Variants in KIF3B observed in about 807,000 individuals in gnomAD.
KIF3B encodes kinesin family member 3B.
In KIF3B, 38 loss-of-function variants were observed where a neutral mutation model predicts 74.3. The ratio of observed to expected loss-of-function variants is 0.51; its 90% CI spans 0.39 to 0.67. The LOEUF (loss-of-function observed/expected upper bound fraction) is 0.67, where lower values mean the gene tolerates loss of function less well. KIF3B is among the 30% of genes least tolerant of loss of function. KIF3B has a pLI of 0.00. For synonymous variants in KIF3B, 326 were observed against 342.5 expected, an observed-to-expected ratio of 0.95 and a Z score of 0.53; for missense variants, 649 against 932.0, an observed-to-expected ratio of 0.70 and a Z score of 3.95.
At chr20:32,291,718 C>G (rs2047692371) in intron 1 of KIF3B, among the ~76,000 whole-genome samples, 1 of 151,216 alleles carries the variant, frequency 6.6e-6, no homozygotes, top group Non-Finnish European at 1.5e-5. Flanking sequence ...CGGGTTCAAG[C>G]AATTCTCCTG....
At chr20:32,327,136 G>A (rs2047907631) in intron 6 of KIF3B, among the ~76,000 whole-genome samples, 1 of 152,138 alleles carries the variant, frequency 6.6e-6, no homozygotes, top group South Asian at 2.1e-4. Context: ...CAAAGTTCCT[G>A]CATTTCTGTT....
At position 32,309,133 on chromosome 20, in the gene KIF3B, C is replaced by T. The variant is rs374543965; in HGVS notation, c.-65-580C>T. On this transcript the variant is annotated intron_variant, in intron 1 of 8. Coordinates refer to ENST00000375712, the MANE Select transcript of KIF3B (RefSeq NM_004798.4). ...CTGGGCTCAAGCAGTCCTCCCATCTCAGCTTCCCGAGTAGCTAAGACTACA... is the reference window on the plus strand; with the variant it reads ...CTGGGCTCAAGCAGTCCTCCCATCTTAGCTTCCCGAGTAGCTAAGACTACA... Among the ~76,000 whole-genome samples the T allele has an allele frequency of 3.9e-5, 6 of 152,070 alleles. No homozygotes were observed. The East Asian group carries it at 9.6e-4, about 24-fold the overall frequency.
intron 1 of KIF3B, among the ~76,000 whole-genome samples, chr20:32,303,047 T>C (rs181074169): frequency 6.6e-6 from 1 of 152,248 alleles, no homozygotes; most frequent in East Asian, 1.9e-4. Context: ...GTATTTTATG[T>C]GTGGTGTGGC....
At chr20:32,317,192 G>A (rs145055605) in intron 5 of KIF3B, among the ~76,000 whole-genome samples, 4 of 152,176 alleles carry the variant, frequency 2.6e-5, no homozygotes, top group South Asian at 2.1e-4. Context: ...AGTTGATATC[G>A]TGCCACTGCA....
intron 2 of KIF3B, among the ~76,000 whole-genome samples, chr20:32,312,771 C>T (rs1314988511): frequency 4.6e-5 from 7 of 152,116 alleles, no homozygotes; most frequent in Admixed American, 1.3e-4. Flanking sequence ...AGAACATGGA[C>T]GTGCAAGATT....
At chr20:32,293,576 C>T (rs1398468235) in intron 1 of KIF3B, among the ~76,000 whole-genome samples, 1 of 152,040 alleles carries the variant, frequency 6.6e-6, no homozygotes, top group Admixed American at 6.6e-5. Context: ...TGCCACTGCA[C>T]TCCAGCCTGG....
intron 5 of KIF3B, among the ~76,000 whole-genome samples, chr20:32,322,040 A>T (rs531440343): frequency 6.6e-6 from 1 of 152,284 alleles, no homozygotes; most frequent in South Asian, 2.1e-4. Flanking sequence ...CAATTTCTGC[A>T]AACAAAGCCA....
intron 1 of KIF3B, among the ~76,000 whole-genome samples, chr20:32,305,426 CG>C (rs909727207): frequency 9.9e-5 from 15 of 151,916 alleles, no homozygotes; most frequent in Admixed American, 8.5e-4. Flanking sequence ...TCATATATAC[CG>C]GTAAAGTACT....
intron 1 of KIF3B, among the ~76,000 whole-genome samples, chr20:32,284,445 A>G (rs1197874358): frequency 3.3e-5 from 5 of 152,078 alleles, no homozygotes; most frequent in Non-Finnish European, 1.5e-5. Context: ...TTGCTGCTCA[A>G]AGTGTGTTCT....
At chr20:32,325,615 TC>T in intron 5 of KIF3B, among the ~76,000 whole-genome samples, 1 of 151,424 alleles carries the variant, frequency 6.6e-6, no homozygotes, top group Admixed American at 6.6e-5. Flanking sequence ...TATTTTTTTT[TC>T]TAAGGAGTCT....
chr20:32,296,158 C>T (rs994951400), intron 1 of KIF3B, among the ~76,000 whole-genome samples: 2 of 151,930 alleles, frequency 1.3e-5, no homozygotes, highest in African/African-American at 2.4e-5. Flanking sequence ...CCACCACACC[C>T]GGCCCATTTT....
chr20:32,315,188 T>G (rs1354012546), intron 2 of KIF3B, among the ~76,000 whole-genome samples: 1 of 152,204 alleles, frequency 6.6e-6, no homozygotes, highest in Non-Finnish European at 1.5e-5. Context: ...AAAACACACA[T>G]CTGATTGTGT....
At chr20:32,329,915 C>T (rs367578252) in intron 7 of KIF3B, among the ~76,000 whole-genome samples, 2 of 152,206 alleles carry the variant, frequency 1.3e-5, no homozygotes, top group South Asian at 2.1e-4. Context: ...TCTTTGGGTG[C>T]CATTCTTCCT....
intron 5 of KIF3B, among the ~76,000 whole-genome samples, chr20:32,325,907 A>G (rs1293774533): frequency 1.1e-4 from 16 of 151,730 alleles, no homozygotes; most frequent in African/African-American, 2.4e-4. Context: ...ACCTCAGGCA[A>G]TCCACTGGCT....
chr20:32,323,339 C>T (rs911320429), intron 5 of KIF3B, among the ~76,000 whole-genome samples: 2 of 150,724 alleles, frequency 1.3e-5, no homozygotes, highest in Admixed American at 6.7e-5. Flanking sequence ...CTACATGTTA[C>T]ATTTGGTTAT....
At chr20:32,320,938 A>G (rs915494756) in intron 5 of KIF3B, among the ~76,000 whole-genome samples, 2 of 152,034 alleles carry the variant, frequency 1.3e-5, no homozygotes, top group Non-Finnish European at 2.9e-5. Flanking sequence ...TTGTGGACGC[A>G]TGTTTCATTC....
At chr20:32,316,384 C>T (rs188782900) in intron 3 of KIF3B, 65 bp downstream of exon 3, 67 of 1,527,254 alleles carry the variant, frequency 4.4e-5, no homozygotes, top group African/African-American at 1.8e-4. Context: ...GCAGAGCAAA[C>T]GTCTCATATT....
chr20:32,303,432 G>A (rs1181947130), intron 1 of KIF3B, among the ~76,000 whole-genome samples: 1 of 151,952 alleles, frequency 6.6e-6, no homozygotes, highest in Non-Finnish European at 1.5e-5. Flanking sequence ...GGACCTGGTG[G>A]CGGGTGCTTG....
chr20:32,307,028 C>T (rs985489684), intron 1 of KIF3B, among the ~76,000 whole-genome samples: 1 of 152,152 alleles, frequency 6.6e-6, no homozygotes, highest in Admixed American at 6.6e-5. Flanking sequence ...TATATCCCCC[C>T]TTTTCTTATG....
Sources: gnomAD v4.1 joint callset for allele counts (sites outside exome capture counted in the v4.1 genomes callset) on GRCh38, gnomAD v4.1.1 for gene constraint, MANE v1.5 for transcripts, NCBI Gene and HGNC (gene_info 2026-07-23, HGNC 2026-07-21) for gene names.